STK3: variants seen among roughly 807,000 people sequenced by gnomAD.
The protein encoded by STK3 is serine/threonine kinase 3.
STK3 carries 41 observed loss-of-function variants against 58.0 expected under a neutral mutation model. The ratio of observed to expected loss-of-function variants is 0.71; its 90% CI spans 0.55 to 0.92. The LOEUF is 0.92. Among genes scored for constraint, STK3 ranks in the 40% least tolerant of loss-of-function variants. The pLI, the probability that STK3 is intolerant of heterozygous loss-of-function variation, is 0.00. For missense variants in STK3, 479 were observed against 602.7 expected (o/e 0.79, Z 2.15); for synonymous variants, 170 against 191.0 (o/e 0.89, Z 0.91).
intron 1 of STK3, among the ~76,000 whole-genome samples, chr8:98,783,896 C>G (rs985412366): frequency 1.3e-5 from 2 of 152,172 alleles, no homozygotes; most frequent in Non-Finnish European, 2.9e-5. Context: ...CAGGAATCCA[C>G]TGGAATCGTG....
rs974013002 is a variant in STK3 at position 98,455,085 on chromosome 8, T to C, written c.*757A>G. Reference sequence around the variant, plus strand: ...ATTTAAAAATATTTATCACACTTTTTTGTGCAAGGGTTCCATTGATTTCTT... The same window carrying C: ...ATTTAAAAATATTTATCACACTTTTCTGTGCAAGGGTTCCATTGATTTCTT... On this transcript the variant is annotated 3_prime_UTR_variant, in exon 11 of 11. Coordinates refer to ENST00000419617, the MANE Select transcript of STK3 (RefSeq NM_006281.4). 1.3e-5 allele frequency: 2 copies of C among 152,654 alleles called. No individual in the cohort carries two copies. The highest frequency in any genetic ancestry group is 2.9e-5 in the Non-Finnish European group (2 of 68,034). The allele number at this position is 152,654 out of a possible 1,614,324, so 9.5% of individuals were successfully genotyped here.
intron 3 of STK3, among the ~76,000 whole-genome samples, chr8:98,869,993 T>A (rs952642636): frequency 2.6e-5 from 4 of 151,800 alleles, no homozygotes; most frequent in Non-Finnish European, 4.4e-5. Context: ...ATCCCTCCCC[T>A]CTCCCCCAAC....
chr8:98,652,047 G>C (rs1229253507), intron 6 of STK3, among the ~76,000 whole-genome samples: 1 of 152,204 alleles, frequency 6.6e-6, no homozygotes, highest in East Asian at 1.9e-4. Flanking sequence ...CACCAAAGTT[G>C]AAATGAAGGA....
At chr8:98,376,809 A>G (rs1817680288) in intron 2 of STK3, among the ~76,000 whole-genome samples, 1 of 152,202 alleles carries the variant, frequency 6.6e-6, no homozygotes, top group Non-Finnish European at 1.5e-5. Context: ...AGAGTGTATG[A>G]TTTGTGAGGA....
rs114828643 is a variant in STK3, at chr8:98,372,802, T to C, written n.112-1124A>G. Among the ~76,000 whole-genome samples, 896 of 152,342 alleles carry C rather than the reference T, an allele frequency of 5.9e-3. 7 individuals are homozygous for C. The highest frequency in any genetic ancestry group is 0.037 in the Middle Eastern group (11 of 294). On this transcript the variant is annotated intron_variant and non_coding_transcript_variant, in intron 2 of 2. Transcript: ENST00000518704. The stretch of plus-strand genomic sequence containing the variant: ...TTGTGAACTCTAACAATTCACAGTC[T>C]AGCGCTGCTCCCTTCCAGCTGCGTG...
intron 1 of STK3, chr8:98,782,374 C>A: frequency 4.8e-6 from 1 of 209,696 alleles, no homozygotes; most frequent in Non-Finnish European, 9.9e-6. Context: ...TACTGTGAAT[C>A]TAAAAAGACT....
intron 3 of STK3, among the ~76,000 whole-genome samples, chr8:98,414,842 AGCTCT>A (rs1818096205): frequency 6.6e-6 from 1 of 152,146 alleles, no homozygotes; most frequent in Admixed American, 6.5e-5. Context: ...GATGTAAGTG[AGCTCT>A]GCACTATCGG....
intron 4 of STK3, among the ~76,000 whole-genome samples, chr8:98,728,114 G>C (rs1447483824): frequency 3.3e-5 from 5 of 152,212 alleles, no homozygotes; most frequent in African/African-American, 1.2e-4. Context: ...ACATTAAATT[G>C]GGGCTCCCAG....
intron 10 of STK3, among the ~76,000 whole-genome samples, chr8:98,464,242 C>T (rs527607094): frequency 2.2e-4 from 33 of 152,200 alleles, no homozygotes; most frequent in African/African-American, 7.9e-4. Context: ...TTAAGATTTA[C>T]CAGTGCATGT....
intron 1 of STK3, among the ~76,000 whole-genome samples, chr8:98,817,218 C>G (rs2515224): frequency 0.69 from 104,455 of 151,916 alleles, 36,063 homozygotes; most frequent in South Asian, 0.77. Context: ...CTTTGGGAAG[C>G]CGAGGTGGGT....
chr8:98,706,020 C>T (rs1825938746), intron 6 of STK3, among the ~76,000 whole-genome samples: 1 of 150,838 alleles, frequency 6.6e-6, no homozygotes, highest in Admixed American at 6.6e-5. Flanking sequence ...ATTAGGATTG[C>T]TTAATACCAT....
At chr8:98,618,910 A>G (rs1013757857) in intron 6 of STK3, among the ~76,000 whole-genome samples, 21 of 150,738 alleles carry the variant, frequency 1.4e-4, no homozygotes, top group South Asian at 4.2e-4. Flanking sequence ...TACAGATTCA[A>G]TGCCATCCCC....
intron 6 of STK3, among the ~76,000 whole-genome samples, chr8:98,657,043 A>G (rs1016725048): frequency 7.9e-5 from 12 of 152,160 alleles, no homozygotes; most frequent in African/African-American, 2.9e-4. Context: ...ATATTCCAGC[A>G]GACAAAGACA....
intron 6 of STK3, among the ~76,000 whole-genome samples, chr8:98,647,329 T>G (rs1195779426): frequency 6.6e-6 from 1 of 152,180 alleles, no homozygotes; most frequent in Admixed American, 6.5e-5. Context: ...TACACTCTAG[T>G]TTTCTTTAAT....
In STK3 at chr8:98,909,798, G is replaced by C. The variant is rs149951328; in HGVS notation, c.-78-25964C>G. On this transcript the variant is annotated intron_variant, in intron 1 of 1. Coordinates refer to the STK3 transcript ENST00000519420. ...GTTGTTTCCAGCTTTTGGCTATTAT[G>C]AATATAGTTGCTATAAACATTCATG... Among the ~76,000 whole-genome samples the C allele has an allele frequency of 1.4e-4, 21 of 152,320 alleles. No individual in the cohort carries two copies. The East Asian group carries it at 4.0e-3, about 29-fold the overall frequency.
intron 1 of STK3, among the ~76,000 whole-genome samples, chr8:98,939,222 G>A (rs1232929276): frequency 2.0e-5 from 3 of 152,234 alleles, no homozygotes; most frequent in African/African-American, 7.2e-5. Context: ...AGGTAGGGAC[G>A]GAGGAGGAGA....
chr8:98,408,978 C>A (rs1818027542), intron 3 of STK3, among the ~76,000 whole-genome samples: 1 of 150,280 alleles, frequency 6.7e-6, no homozygotes, highest in Non-Finnish European at 1.5e-5. Context: ...ATGCTGTCTT[C>A]TACTGTATCT....
intron 7 of STK3, among the ~76,000 whole-genome samples, chr8:98,587,076 G>T (rs1331285553): frequency 6.7e-6 from 1 of 149,990 alleles, no homozygotes; most frequent in African/African-American, 2.5e-5. Flanking sequence ...TTTTTGAAGG[G>T]TTTTTTGTGT....
At chr8:98,345,584 A>G in the STK3 span, among the ~76,000 whole-genome samples, 50,312 of 151,694 alleles carry the variant, frequency 0.33, 9,956 homozygotes, top group African/African-American at 0.53. Flanking sequence ...GTCTGAAAAT[A>G]TTAGAGGGAA....
Sources: gnomAD v4.1 joint callset for allele counts (sites outside exome capture counted in the v4.1 genomes callset) on GRCh38, gnomAD v4.1.1 for gene constraint, MANE v1.5 for transcripts, NCBI Gene and HGNC (gene_info 2026-07-23, HGNC 2026-07-21) for gene names.